Variants in ZMAT4 observed in about 807,000 individuals in gnomAD.
The protein encoded by ZMAT4 is zinc finger matrin-type 4.
Under a neutral mutation model 28.7 loss-of-function variants are expected in ZMAT4, and 17 were observed. That is an observed-to-expected ratio of 0.59 (90% CI 0.41 to 0.89). The LOEUF is 0.89. Ranked by LOEUF, ZMAT4 falls within the 40% of genes least tolerant of loss-of-function variation. The pLI is 0.00. For missense variants in ZMAT4, 240 were observed against 283.8 expected, an observed-to-expected ratio of 0.85 and a Z score of 1.11; for synonymous variants, 117 against 109.2, an observed-to-expected ratio of 1.07 and a Z score of -0.44.
At chr8:40,679,716 C>T (rs1809071314) in intron 4 of ZMAT4, among the ~76,000 whole-genome samples, 1 of 152,158 alleles carries the variant, frequency 6.6e-6, no homozygotes, top group African/African-American at 2.4e-5. Context: ...GGTGGGGACA[C>T]AGCCAAACCA....
intron 5 of ZMAT4, among the ~76,000 whole-genome samples, chr8:40,602,350 T>C (rs1410434992): frequency 6.6e-6 from 1 of 152,216 alleles, no homozygotes; most frequent in African/African-American, 2.4e-5. Flanking sequence ...CTTTTTCGTA[T>C]AATAACTTCT....
rs201437370 is a variant in ZMAT4, at chr8:40,799,225, GGATA to G, written c.102+26346_102+26349del. Among the ~76,000 whole-genome samples, 763 of 150,736 alleles carry G rather than the reference GGATA, an allele frequency of 5.1e-3. 7 individuals are homozygous for G. The highest frequency in any genetic ancestry group is 7.3e-3 in the Admixed American group (111 of 15,162). ...TAGATGGGTGGATGGATGGATGGAT[GGATA>G]GATAGATGGATGGATGGAGACAGAT... On this transcript the variant is annotated intron_variant, in intron 2 of 6. Transcript: ENST00000297737.
chr8:40,579,083 A>T (rs568539531), intron 6 of ZMAT4, among the ~76,000 whole-genome samples: 1 of 152,312 alleles, frequency 6.6e-6, no homozygotes, highest in Admixed American at 6.5e-5. Flanking sequence ...TCTCAAGGGT[A>T]GTTAAGGGAA....
intron 2 of ZMAT4, among the ~76,000 whole-genome samples, chr8:40,793,369 C>T (rs1814446007): frequency 6.6e-6 from 1 of 152,310 alleles, no homozygotes; most frequent in East Asian, 1.9e-4. Flanking sequence ...CAGAATAGGC[C>T]GTGTGCCCCT....
At chr8:40,554,637 C>T (rs1484411201) in intron 6 of ZMAT4, among the ~76,000 whole-genome samples, 1 of 152,092 alleles carries the variant, frequency 6.6e-6, no homozygotes, top group Non-Finnish European at 1.5e-5. Flanking sequence ...GGTCTTTCAT[C>T]AACTACTTCT....
chr8:40,630,670 G>T (rs755487765), intron 5 of ZMAT4, among the ~76,000 whole-genome samples: 1 of 152,108 alleles, frequency 6.6e-6, no homozygotes, highest in South Asian at 2.1e-4. Context: ...CAACAGCATC[G>T]CTAAAACCCC....
At chr8:40,768,718 A>G (rs927172343) in intron 2 of ZMAT4, among the ~76,000 whole-genome samples, 2 of 152,224 alleles carry the variant, frequency 1.3e-5, no homozygotes, top group Non-Finnish European at 2.9e-5. Flanking sequence ...CAAATGAGAC[A>G]TTGCATATGA....
intron 1 of ZMAT4, among the ~76,000 whole-genome samples, chr8:40,846,766 C>G (rs1020575774): frequency 2.0e-5 from 3 of 152,196 alleles, no homozygotes; most frequent in Admixed American, 6.5e-5. Flanking sequence ...GCTCACCTCT[C>G]AGAGAGAGCT....
At chr8:40,698,341 C>T (rs1809986612) in intron 3 of ZMAT4, among the ~76,000 whole-genome samples, 1 of 152,048 alleles carries the variant, frequency 6.6e-6, no homozygotes. Flanking sequence ...CTATTGTGCT[C>T]GCAGGTCATC....
chr8:40,876,059 T>A (rs2150658793), intron 1 of ZMAT4, among the ~76,000 whole-genome samples: 1 of 152,284 alleles, frequency 6.6e-6, no homozygotes, highest in South Asian at 2.1e-4. Context: ...TAGAATTAAA[T>A]CTGAAAATAA....
At chr8:40,695,837 T>C (rs1809863433) in intron 4 of ZMAT4, among the ~76,000 whole-genome samples, 2 of 140,188 alleles carry the variant, frequency 1.4e-5, no homozygotes, top group South Asian at 4.7e-4. Flanking sequence ...TGCTAATTGA[T>C]GTGATAAGCA....
At chr8:40,700,258 A>G (rs759808063) in intron 3 of ZMAT4, among the ~76,000 whole-genome samples, 14 of 151,018 alleles carry the variant, frequency 9.3e-5, no homozygotes, top group Non-Finnish European at 1.8e-4. Context: ...AAAAAAAAAC[A>G]TTAATGTAAA....
chr8:40,619,514 G>A (rs1240389150), intron 5 of ZMAT4, among the ~76,000 whole-genome samples: 3 of 152,094 alleles, frequency 2.0e-5, no homozygotes, highest in East Asian at 1.9e-4. Flanking sequence ...CGTTGAGTCC[G>A]GATGGGAAAT....
At chr8:40,761,107 G>A (rs1252027586) in intron 3 of ZMAT4, among the ~76,000 whole-genome samples, 3 of 151,928 alleles carry the variant, frequency 2.0e-5, no homozygotes, top group Non-Finnish European at 4.4e-5. Context: ...GGCAATAAAG[G>A]GAAATTTTAA....
intron 6 of ZMAT4, among the ~76,000 whole-genome samples, chr8:40,579,125 G>T (rs1002583395): frequency 3.3e-5 from 5 of 152,168 alleles, no homozygotes; most frequent in African/African-American, 1.2e-4. Context: ...AAAATACCTA[G>T]CACAGATTCT....
intron 5 of ZMAT4, among the ~76,000 whole-genome samples, chr8:40,606,120 T>C (rs891973728): frequency 3.3e-5 from 5 of 152,224 alleles, no homozygotes; most frequent in African/African-American, 1.2e-4. Context: ...GGTGAATTCT[T>C]ACTCATTCCA....
intron 3 of ZMAT4, among the ~76,000 whole-genome samples, chr8:40,731,428 G>GAGAA (rs1313759284): frequency 6.6e-6 from 1 of 151,722 alleles, no homozygotes; most frequent in East Asian, 1.9e-4. Context: ...CAGACAGAGA[G>GAGAA]AGAGAGAAAC....
At chr8:40,549,341 A>T (rs1201371520) in intron 6 of ZMAT4, among the ~76,000 whole-genome samples, 1 of 152,168 alleles carries the variant, frequency 6.6e-6, no homozygotes, top group Non-Finnish European at 1.5e-5. Context: ...GACTGACTCC[A>T]CTAGGGGTGC....
At chr8:40,626,083 C>A (rs1190471948) in intron 5 of ZMAT4, among the ~76,000 whole-genome samples, 1 of 146,700 alleles carries the variant, frequency 6.8e-6, no homozygotes, top group African/African-American at 2.5e-5. Context: ...GCACTCCAGC[C>A]TGGGCAACAA....
Sources: allele counts gnomAD v4.1 joint callset (sites outside exome capture counted in the v4.1 genomes callset), GRCh38; gene constraint gnomAD v4.1.1; transcripts MANE v1.5; gene names NCBI Gene and HGNC (gene_info 2026-07-23, HGNC 2026-07-21).